The following BCKDHB variants were observed in gnomAD, a reference collection of about 807,000 sequenced individuals.
The protein encoded by BCKDHB is branched chain keto acid dehydrogenase E1 subunit beta.
Under a neutral mutation model 48.5 loss-of-function variants are expected in BCKDHB, and 41 were observed. That is an observed-to-expected ratio of 0.85 (90% CI 0.66 to 1.10). The LOEUF (loss-of-function observed/expected upper bound fraction) is 1.10, where lower values mean the gene tolerates loss of function less well. Ranked by LOEUF, BCKDHB falls within the 50% of genes least tolerant of loss-of-function variation. The pLI is 0.00. For synonymous variants in BCKDHB, 201 were observed against 174.8 expected, an observed-to-expected ratio of 1.15 and a Z score of -1.18; for missense variants, 496 against 494.2, an observed-to-expected ratio of 1.00 and a Z score of -0.03.
At chr6:80,280,572 G>A (rs978611069) in intron 9 of BCKDHB, among the ~76,000 whole-genome samples, 3 of 152,194 alleles carry the variant, frequency 2.0e-5, no homozygotes, top group Non-Finnish European at 2.9e-5. Flanking sequence ...TGCAGATCAA[G>A]TATGGGAAAT....
downstream of BCKDHB, among the ~76,000 whole-genome samples, chr6:80,349,374 TA>T (rs1321798348): frequency 6.6e-6 from 1 of 151,926 alleles, no homozygotes; most frequent in East Asian, 1.9e-4. Context: ...GATTCTTAGG[TA>T]CAAAGTTAAC....
the BCKDHB span, among the ~76,000 whole-genome samples, chr6:80,407,336 C>T: frequency 6.6e-6 from 1 of 152,122 alleles, no homozygotes; most frequent in Non-Finnish European, 1.5e-5. Context: ...CCTTGCTATG[C>T]AGGCTCTTTT....
intron 6 of BCKDHB, among the ~76,000 whole-genome samples, chr6:80,199,668 T>G (rs1300861720): frequency 6.7e-6 from 1 of 149,718 alleles, no homozygotes; most frequent in East Asian, 2.0e-4. Flanking sequence ...TCCCAGCTAC[T>G]TGAGAGTCTG....
rs561961651 is a variant in BCKDHB, at chr6:80,116,159, C to G, written c.196+9270C>G. 7.9e-5 allele frequency among the ~76,000 whole-genome samples: 12 copies of G among 152,286 alleles called. No individual in the cohort carries two copies. In the South Asian group the frequency reaches 1.5e-3, roughly 18 times the overall value. On this transcript the variant is annotated intron_variant, in intron 1 of 9. Transcript: ENST00000320393. ...ACATTTGCCCTTTTCCTCAGATGCT[C>G]TATCCCTGTGGGAGGCTTCTCTTTC...
At chr6:80,319,011 A>G (rs1768581610) in intron 9 of BCKDHB, among the ~76,000 whole-genome samples, 1 of 152,164 alleles carries the variant, frequency 6.6e-6, no homozygotes, top group South Asian at 2.1e-4. Context: ...ATCTGTTATA[A>G]TGGGAGCACA....
At chr6:80,394,422 T>C in the BCKDHB span, among the ~76,000 whole-genome samples, 1 of 152,188 alleles carries the variant, frequency 6.6e-6, no homozygotes, top group Non-Finnish European at 1.5e-5. Context: ...CTCACCATTT[T>C]TGACAATCTG....
chr6:80,106,861 C>A lies in BCKDHB; in HGVS notation c.168C>A (p.Phe56Leu), dbSNP rs747705382. The change falls in exon 1 of 10, where the codon TTC becomes TTA. Residue 56 changes from phenylalanine to leucine, a missense_variant. Physicochemically the swap from Phe to Leu is conservative, Grantham distance 22. Coordinates refer to ENST00000320393, the MANE Select transcript of BCKDHB (RefSeq NM_183050.4). Reference sequence around the variant, plus strand: ...GGCGGCAGGTGGCTCATTTTACTTTCCAGCCAGATCCGGAGCCCCGGGAGT... The same window carrying A: ...GGCGGCAGGTGGCTCATTTTACTTTACAGCCAGATCCGGAGCCCCGGGAGT... ...AQRRQVAHFTFQPDPEPREYG... is the reference protein window; with the variant it reads ...AQRRQVAHFTLQPDPEPREYG... 6 of 1,609,314 alleles carry A rather than the reference C, an allele frequency of 3.7e-6. No homozygotes were observed. In the East Asian group the frequency reaches 1.3e-4, roughly 36 times the overall value.
intron 9 of BCKDHB, among the ~76,000 whole-genome samples, chr6:80,295,622 G>GAAA (rs56998407): frequency 7.3e-6 from 1 of 136,438 alleles, no homozygotes; most frequent in African/African-American, 2.8e-5. Flanking sequence ...CCTGTTACCA[G>GAAA]AAAAAAAAAA....
chr6:80,295,933 G>A (rs1562211025), intron 9 of BCKDHB, among the ~76,000 whole-genome samples: 1 of 152,178 alleles, frequency 6.6e-6, no homozygotes, highest in Non-Finnish European at 1.5e-5. Flanking sequence ...AGCCAAACCA[G>A]TAATGTAAAA....
chr6:80,263,922 CTTGAGAAAAA>C (rs1343036565), intron 8 of BCKDHB, among the ~76,000 whole-genome samples: 3 of 152,066 alleles, frequency 2.0e-5, no homozygotes, highest in Non-Finnish European at 4.4e-5. Flanking sequence ...GTTGTCAACA[CTTGAGAAAAA>C]TTTGCCAAGT....
intron 1 of BCKDHB, among the ~76,000 whole-genome samples, chr6:80,109,628 G>GT (rs1769311047): frequency 6.6e-6 from 1 of 152,074 alleles, no homozygotes; most frequent in African/African-American, 2.4e-5. Flanking sequence ...TTTCATTTCT[G>GT]TTGAGGAATA....
At chr6:80,192,878 G>A (rs1773962757) in intron 6 of BCKDHB, among the ~76,000 whole-genome samples, 1 of 151,346 alleles carries the variant, frequency 6.6e-6, no homozygotes, top group Admixed American at 6.6e-5. Flanking sequence ...GAGTGCAGTG[G>A]TGTGATCTCA....
chr6:80,134,731 C>T (rs780149719), intron 3 of BCKDHB, among the ~76,000 whole-genome samples: 32 of 150,030 alleles, frequency 2.1e-4, no homozygotes, highest in South Asian at 6.6e-4. Context: ...CCTTTTCCAG[C>T]GTTTTGTTTT....
At chr6:80,352,502 A>G in the BCKDHB span, among the ~76,000 whole-genome samples, 1 of 152,142 alleles carries the variant, frequency 6.6e-6, no homozygotes, top group Non-Finnish European at 1.5e-5. Flanking sequence ...TTCTGTAAGG[A>G]ATCAGCCCAA....
At chr6:80,453,679 G>A in the BCKDHB span, among the ~76,000 whole-genome samples, 2 of 152,102 alleles carry the variant, frequency 1.3e-5, no homozygotes, top group Non-Finnish European at 2.9e-5. Flanking sequence ...GGTTTGATGG[G>A]GCATGATAGA....
At chr6:80,131,961 C>T (rs114080393) in intron 3 of BCKDHB, among the ~76,000 whole-genome samples, 1,900 of 152,196 alleles carry the variant, frequency 0.012, 35 homozygotes, top group African/African-American at 0.044. Context: ...TTGAGAACTA[C>T]TTAGGTAGCT....
intron 8 of BCKDHB, among the ~76,000 whole-genome samples, chr6:80,204,310 C>A (rs776434006): frequency 2.0e-5 from 3 of 152,112 alleles, no homozygotes; most frequent in Non-Finnish European, 4.4e-5. Flanking sequence ...TTGACACCAT[C>A]TAAACACTTG....
At chr6:80,134,760 T>C (rs1282388737) in intron 3 of BCKDHB, among the ~76,000 whole-genome samples, 1 of 151,914 alleles carries the variant, frequency 6.6e-6, no homozygotes, top group Non-Finnish European at 1.5e-5. Flanking sequence ...TATTTATTTA[T>C]TTATTTATTT....
At chr6:80,399,282 G>C in the BCKDHB span, among the ~76,000 whole-genome samples, 1 of 147,630 alleles carries the variant, frequency 6.8e-6, no homozygotes, top group African/African-American at 2.7e-5. Flanking sequence ...GAAAGAAAGA[G>C]CATCCAGATG....
Sources: gnomAD v4.1 joint callset for allele counts (sites outside exome capture counted in the v4.1 genomes callset) on GRCh38, gnomAD v4.1.1 for gene constraint, MANE v1.5 for transcripts, NCBI Gene and HGNC (gene_info 2026-07-23, HGNC 2026-07-21) for gene names.